Variants in PARD3 observed in about 807,000 individuals in gnomAD.
PARD3 encodes the protein par-3 family cell polarity regulator.
PARD3 carries 75 observed loss-of-function variants against 155.4 expected under a neutral mutation model. The ratio of observed to expected loss-of-function variants is 0.48; its 90% confidence interval spans 0.40 to 0.58. The LOEUF (loss-of-function observed/expected upper bound fraction) is 0.58, where lower values mean the gene tolerates loss of function less well. PARD3 is among the 20% of genes least tolerant of loss of function. PARD3 has a pLI of 0.00. For missense variants in PARD3, 1,642 were observed against 1,721.7 expected, an observed-to-expected ratio of 0.95 and a Z score of 0.82; for synonymous variants, 576 against 610.5, an observed-to-expected ratio of 0.94 and a Z score of 0.83.
chr10:34,240,760 T>C (rs1296852092), intron 22 of PARD3, among the ~76,000 whole-genome samples: 23 of 152,016 alleles, frequency 1.5e-4, no homozygotes, highest in Admixed American at 1.5e-3. Context: ...CCCCTTCCTG[T>C]CTCCAGAGCA....
Position 34,168,424 on chromosome 10 carries a change from G to A in PARD3, c.3420-36841C>T, listed in dbSNP as rs368306969. On this transcript the variant is annotated intron_variant, in intron 22 of 24. Coordinates refer to ENST00000374788, the MANE Select transcript of PARD3 (RefSeq NM_001184785.2). ...TTTTTTGCCTTTAATCCAGAGAACT[G>A]AGAGCCTGTTGATGAGTGATGCCAA... Among the ~76,000 whole-genome samples the A allele has an allele frequency of 1.2e-4, 18 of 152,280 alleles. No homozygotes were observed. In the East Asian group the frequency reaches 2.9e-3, roughly 25 times the overall value.
At chr10:34,211,232 C>A (rs774726346) in intron 22 of PARD3, among the ~76,000 whole-genome samples, 1 of 152,068 alleles carries the variant, frequency 6.6e-6, no homozygotes, top group Non-Finnish European at 1.5e-5. Context: ...TGTCTAGGGT[C>A]GTAAAGATTA....
chr10:34,477,527 A>C (rs747429208), intron 3 of PARD3, among the ~76,000 whole-genome samples: 5 of 152,202 alleles, frequency 3.3e-5, no homozygotes, highest in Non-Finnish European at 7.4e-5. Flanking sequence ...CACTGTAAAT[A>C]TTGATGTCTC....
chr10:34,187,404 A>G (rs888082218), intron 22 of PARD3, among the ~76,000 whole-genome samples: 1 of 152,210 alleles, frequency 6.6e-6, no homozygotes, highest in African/African-American at 2.4e-5. Context: ...AAGTACAACA[A>G]AAACAGATGC....
At chr10:34,689,504 T>C (rs1380920378) in intron 2 of PARD3, among the ~76,000 whole-genome samples, 2 of 152,222 alleles carry the variant, frequency 1.3e-5, no homozygotes, top group Non-Finnish European at 2.9e-5. Context: ...AAAACGGCTT[T>C]AAAAGCTACT....
chr10:34,182,085 C>A (rs1950292887), intron 22 of PARD3, among the ~76,000 whole-genome samples: 1 of 152,196 alleles, frequency 6.6e-6, no homozygotes, highest in African/African-American at 2.4e-5. Context: ...GAAAGCTTAA[C>A]ACTACCGCAC....
chr10:34,365,794 G>C (rs1424777102), intron 12 of PARD3, among the ~76,000 whole-genome samples: 1 of 152,044 alleles, frequency 6.6e-6, no homozygotes, highest in Non-Finnish European at 1.5e-5. Flanking sequence ...CGCCATGTTG[G>C]TCAGGCTGGT....
At chr10:34,644,358 A>G (rs997183582) in intron 2 of PARD3, among the ~76,000 whole-genome samples, 1 of 152,198 alleles carries the variant, frequency 6.6e-6, no homozygotes, top group Non-Finnish European at 1.5e-5. Flanking sequence ...GCTTCATACA[A>G]GCAGCAGCTA....
At chr10:34,596,857 A>AAATCC (rs2089311003) in intron 2 of PARD3, among the ~76,000 whole-genome samples, 1 of 152,160 alleles carries the variant, frequency 6.6e-6, no homozygotes, top group Non-Finnish European at 1.5e-5. Context: ...CCTAAATCTT[A>AAATCC]AATAACTCTC....
rs1958056195 is a variant in PARD3 at position 34,317,095 on chromosome 10, G to GT, written c.3065+11dup. Reference sequence around the variant, plus strand: ...TTTAAGGAGATTCTGGTTTGGGATGGTAACGACTTACCTGAACATGTCTCC... The same window carrying GT: ...TTTAAGGAGATTCTGGTTTGGGATGGTTAACGACTTACCTGAACATGTCTCC... On this transcript the variant is annotated intron_variant, in intron 20 of 24. Coordinates refer to ENST00000374788, the MANE Select transcript of PARD3 (RefSeq NM_001184785.2). 6.5e-7 allele frequency: 1 copy of GT among 1,541,160 alleles called. No homozygotes were observed. The highest frequency in any genetic ancestry group is 1.2e-5 in the South Asian group (1 of 81,590).
chr10:34,625,408 A>G (rs2091930017), intron 2 of PARD3, among the ~76,000 whole-genome samples: 1 of 152,230 alleles, frequency 6.6e-6, no homozygotes, highest in Admixed American at 6.5e-5. Flanking sequence ...CAACTCAGGG[A>G]AAGCCCATCT....
rs981867908 is a variant in PARD3 at position 34,401,921 on chromosome 10, G to A, written c.715-4C>T. 10 of 1,610,656 alleles carry A rather than the reference G, an allele frequency of 6.2e-6. No individual in the cohort carries two copies. The highest frequency in any genetic ancestry group is 8.5e-6 in the Non-Finnish European group (10 of 1,177,088). On this transcript the variant is annotated splice_region_variant and splice_polypyrimidine_tract_variant and intron_variant, in intron 5 of 24. Transcript: ENST00000374788. ...CCTCTTCTGTCCCATCCTCATCCTA[G>A]AGGCAGCCAACACAAAGAAAAGTAC... is the stretch of plus-strand genomic sequence containing the variant.
At chr10:34,700,113 G>A (rs2496745) in intron 1 of PARD3, among the ~76,000 whole-genome samples, 45,090 of 151,798 alleles carry the variant, frequency 0.3, 6,803 homozygotes, top group South Asian at 0.38. Context: ...AATAAACGAG[G>A]GGCAGAGTTC....
At position 34,348,873 on chromosome 10, in the gene PARD3, CA is replaced by C. The variant is rs1484043204; in HGVS notation, c.2068-759del. Among the ~76,000 whole-genome samples the C allele has an allele frequency of 3.3e-5, 5 of 152,054 alleles. No homozygotes were observed. The East Asian group carries it at 9.6e-4, about 29-fold the overall frequency. On this transcript the variant is annotated intron_variant, in intron 14 of 24. Transcript: ENST00000374788. ...AATGAATGTATGTCAATTTCGATGA[CA>C]ATAAATTAAAATGTATCGGGCATTT...
intron 21 of PARD3, among the ~76,000 whole-genome samples, chr10:34,276,761 A>C (rs1418467083): frequency 2.6e-5 from 4 of 152,064 alleles, no homozygotes; most frequent in African/African-American, 9.7e-5. Flanking sequence ...TGGGATGCAA[A>C]ACCAGTGGTG....
intron 2 of PARD3, among the ~76,000 whole-genome samples, chr10:34,657,226 T>A (rs1414758889): frequency 2.7e-5 from 4 of 150,900 alleles, no homozygotes; most frequent in Non-Finnish European, 5.9e-5. Flanking sequence ...AGATCCCACC[T>A]CTACCAAAAA....
chr10:34,446,200 T>A (rs1411501328), intron 5 of PARD3, among the ~76,000 whole-genome samples: 1 of 152,182 alleles, frequency 6.6e-6, no homozygotes, highest in Non-Finnish European at 1.5e-5. Flanking sequence ...TAAGGTGGCC[T>A]TCAGGAAGGC....
chr10:34,668,439 T>G (rs1048786129), intron 2 of PARD3, among the ~76,000 whole-genome samples: 5 of 152,058 alleles, frequency 3.3e-5, no homozygotes, highest in Non-Finnish European at 7.4e-5. Flanking sequence ...GAACTAGGAG[T>G]CAGTCATCTA....
chr10:34,199,735 T>C (rs1951119431), intron 22 of PARD3, among the ~76,000 whole-genome samples: 1 of 152,178 alleles, frequency 6.6e-6, no homozygotes, highest in Non-Finnish European at 1.5e-5. Context: ...GAATAAAGGA[T>C]GCAAGCTTTC....
Sources: gnomAD v4.1 joint callset for allele counts (sites outside exome capture counted in the v4.1 genomes callset) on GRCh38, gnomAD v4.1.1 for gene constraint, MANE v1.5 for transcripts, NCBI Gene and HGNC (gene_info 2026-07-23, HGNC 2026-07-21) for gene names.